Variants in AFG2A observed in about 807,000 individuals in gnomAD.
The protein encoded by AFG2A is ATPase family gene 2 protein homolog A.
At chr4:123,124,527 T>C in the AFG2A span, among the ~76,000 whole-genome samples, 2 of 142,844 alleles carry the variant, frequency 1.4e-5, no homozygotes, top group African/African-American at 2.4e-5. Flanking sequence ...TTAGGAGATA[T>C]ACGTAATGTA....
At chr4:122,936,717 C>T in the AFG2A span, among the ~76,000 whole-genome samples, 5 of 152,064 alleles carry the variant, frequency 3.3e-5, no homozygotes, top group Non-Finnish European at 5.9e-5. Context: ...CGGTGGCTCA[C>T]GCCTGTAATC....
the AFG2A span, among the ~76,000 whole-genome samples, chr4:122,999,273 C>A: frequency 6.6e-6 from 1 of 152,044 alleles, no homozygotes; most frequent in East Asian, 1.9e-4. Flanking sequence ...GCTCACTCTG[C>A]TGGTAATTTC....
the AFG2A span, among the ~76,000 whole-genome samples, chr4:123,255,401 C>T: frequency 1.3e-5 from 2 of 151,902 alleles, no homozygotes; most frequent in African/African-American, 4.8e-5. Context: ...CCTGTAGTCC[C>T]AGCCACTAGG....
At chr4:123,286,632 G>A in the AFG2A span, among the ~76,000 whole-genome samples, 1 of 151,858 alleles carries the variant, frequency 6.6e-6, no homozygotes, top group Non-Finnish European at 1.5e-5. Context: ...CATATTTCTG[G>A]AAAACAGATT....
the AFG2A span, among the ~76,000 whole-genome samples, chr4:123,178,658 G>T: frequency 1.3e-5 from 2 of 152,204 alleles, no homozygotes; most frequent in Middle Eastern, 3.4e-3. Context: ...TTCCATGTTT[G>T]TTCTATGTAG....
At chr4:123,001,037 G>C in the AFG2A span, among the ~76,000 whole-genome samples, 1 of 136,924 alleles carries the variant, frequency 7.3e-6, no homozygotes, top group Admixed American at 7.6e-5. Flanking sequence ...TCTTGGGAGG[G>C]TGTATGTGTC....
At chr4:123,118,422 C>T in the AFG2A span, among the ~76,000 whole-genome samples, 10 of 146,356 alleles carry the variant, frequency 6.8e-5, no homozygotes, top group African/African-American at 2.5e-4. Context: ...CTATGTATAC[C>T]CTTCAGTACT....
At chr4:123,221,737 C>A in the AFG2A span, among the ~76,000 whole-genome samples, 6 of 151,950 alleles carry the variant, frequency 3.9e-5, no homozygotes, top group East Asian at 1.2e-3. Flanking sequence ...CCAGCCTGGC[C>A]AACATGGTGA....
chr4:122,925,826 C>A, the AFG2A span, among the ~76,000 whole-genome samples: 18 of 152,200 alleles, frequency 1.2e-4, no homozygotes, highest in Non-Finnish European at 2.5e-4. Flanking sequence ...AGACCAAGGA[C>A]TTGTGAACAA....
At chr4:123,150,837 C>A in the AFG2A span, among the ~76,000 whole-genome samples, 1 of 152,130 alleles carries the variant, frequency 6.6e-6, no homozygotes, top group Non-Finnish European at 1.5e-5. Flanking sequence ...AAGAACAAAG[C>A]TGGAGACGTC....
the AFG2A span, among the ~76,000 whole-genome samples, chr4:123,061,842 G>A: frequency 1.3e-5 from 2 of 152,188 alleles, no homozygotes; most frequent in African/African-American, 4.8e-5. Flanking sequence ...AAAAGCCAGA[G>A]AATTTTGCTG....
At chr4:122,989,455 T>C in the AFG2A span, among the ~76,000 whole-genome samples, 1 of 152,144 alleles carries the variant, frequency 6.6e-6, no homozygotes, top group African/African-American at 2.4e-5. Flanking sequence ...CCACTGGGGC[T>C]GACCTGGAGC....
the AFG2A span, among the ~76,000 whole-genome samples, chr4:123,155,626 A>AAAAGT: frequency 1.3e-5 from 2 of 151,808 alleles, no homozygotes; most frequent in African/African-American, 4.8e-5. Flanking sequence ...TTGTTAAAAA[A>AAAAGT]ATAACTATCT....
the AFG2A span, among the ~76,000 whole-genome samples, chr4:123,266,032 T>A: frequency 3.6e-4 from 55 of 152,180 alleles, no homozygotes; most frequent in Middle Eastern, 3.4e-3. Context: ...AAAAGAGATG[T>A]GCAAAGCATG....
the AFG2A span, among the ~76,000 whole-genome samples, chr4:123,272,865 G>C: frequency 1.3e-5 from 2 of 152,038 alleles, no homozygotes; most frequent in Non-Finnish European, 2.9e-5. Context: ...GTGGGGGCAG[G>C]GTATATTCAT....
At chr4:123,166,617 T>C in the AFG2A span, among the ~76,000 whole-genome samples, 1 of 152,192 alleles carries the variant, frequency 6.6e-6, no homozygotes, top group African/African-American at 2.4e-5. Flanking sequence ...TGTTTGGATC[T>C]ATGGATTTCG....
At chr4:122,974,899 C>T in the AFG2A span, among the ~76,000 whole-genome samples, 124,441 of 151,914 alleles carry the variant, frequency 0.82, 52,466 homozygotes, top group East Asian at 0.96. Context: ...CTTGGCCTCC[C>T]AAAGTGGTGG....
chr4:123,059,862 G>A, the AFG2A span, among the ~76,000 whole-genome samples: 161 of 152,216 alleles, frequency 1.1e-3, no homozygotes, highest in Non-Finnish European at 2.0e-3. Context: ...GGTGTGAGAT[G>A]GTATTTCATT....
At chr4:123,176,057 A>C in the AFG2A span, among the ~76,000 whole-genome samples, 1 of 152,172 alleles carries the variant, frequency 6.6e-6, no homozygotes, top group Non-Finnish European at 1.5e-5. Context: ...GGAGGCAGAG[A>C]CAACACCATG....
Sources: allele counts gnomAD v4.1 joint callset (sites outside exome capture counted in the v4.1 genomes callset), GRCh38; gene constraint gnomAD v4.1.1; transcripts MANE v1.5; gene names NCBI Gene and HGNC (gene_info 2026-07-23, HGNC 2026-07-21).